The following RBFOX1 variants were observed in gnomAD, a reference collection of about 807,000 sequenced individuals.
RBFOX1 encodes the protein RNA binding fox-1 homolog 1, also known as RNA binding protein fox-1 homolog 1.
Under a neutral mutation model 57.7 loss-of-function variants are expected in RBFOX1, and 8 were observed. The observed-to-expected ratio is 0.14, with a 90% CI of 0.08 to 0.25. The LOEUF (loss-of-function observed/expected upper bound fraction) is 0.25, where lower values mean the gene tolerates loss of function less well. Ranked by LOEUF, RBFOX1 falls within the 10% of genes least tolerant of loss-of-function variation. RBFOX1 has a pLI of 1.00. For synonymous variants in RBFOX1, 326 were observed against 222.4 expected (o/e 1.47, Z -4.15); for missense variants, 611 against 548.5 (o/e 1.11, Z -1.14).
chr16:7,396,619 A>G (rs934698963), intron 4 of RBFOX1, among the ~76,000 whole-genome samples: 13 of 152,132 alleles, frequency 8.5e-5, no homozygotes, highest in African/African-American at 2.7e-4. Context: ...GGTTCTGTCA[A>G]TGGAAATAAG....
intron 3 of RBFOX1, among the ~76,000 whole-genome samples, chr16:6,992,217 G>A (rs1352204324): frequency 2.7e-5 from 4 of 150,784 alleles, no homozygotes; most frequent in Non-Finnish European, 5.9e-5. Context: ...AGGCTGGAGT[G>A]CAGTGGTGCA....
intron 2 of RBFOX1, among the ~76,000 whole-genome samples, chr16:6,560,974 C>A (rs1026588711): frequency 6.6e-6 from 1 of 152,210 alleles, no homozygotes; most frequent in Non-Finnish European, 1.5e-5. Context: ...AGTCAATGTG[C>A]AAATTTCAAC....
At chr16:7,144,138 C>A (rs1181661003) in intron 4 of RBFOX1, among the ~76,000 whole-genome samples, 3 of 152,098 alleles carry the variant, frequency 2.0e-5, no homozygotes, top group Non-Finnish European at 4.4e-5. Context: ...TCATGAATAT[C>A]TCTCTAGTTT....
chr16:5,818,012 C>T (rs746348947), intron 3 of RBFOX1, among the ~76,000 whole-genome samples: 13 of 152,190 alleles, frequency 8.5e-5, no homozygotes, highest in Non-Finnish European at 1.8e-4. Flanking sequence ...CTGTATTAAG[C>T]GTATTTGTCT....
At chr16:6,309,025 C>A (rs1309917859) in intron 1 of RBFOX1, among the ~76,000 whole-genome samples, 1 of 152,016 alleles carries the variant, frequency 6.6e-6, no homozygotes, top group East Asian at 1.9e-4. Context: ...CTCCTCTCAC[C>A]CTATACCCAG....
intron 3 of RBFOX1, among the ~76,000 whole-genome samples, chr16:6,985,187 C>G (rs961094244): frequency 1.3e-5 from 2 of 151,934 alleles, no homozygotes; most frequent in Non-Finnish European, 2.9e-5. Context: ...AAAATGTGAT[C>G]ACATTCTATT....
chr16:6,503,039 TA>T (rs1271580117), intron 2 of RBFOX1, among the ~76,000 whole-genome samples: 1 of 152,178 alleles, frequency 6.6e-6, no homozygotes, highest in Non-Finnish European at 1.5e-5. Context: ...AAAAGTAGTA[TA>T]ATATGTATTT....
chr16:5,925,476 G>A (rs1475099294), intron 4 of RBFOX1, among the ~76,000 whole-genome samples: 1 of 152,152 alleles, frequency 6.6e-6, no homozygotes, highest in Non-Finnish European at 1.5e-5. Context: ...ACAGAAAGTA[G>A]ATTAATGGTT....
At chr16:5,590,493 G>T (rs1255447336) in intron 2 of RBFOX1, among the ~76,000 whole-genome samples, 1 of 152,174 alleles carries the variant, frequency 6.6e-6, no homozygotes, top group Non-Finnish European at 1.5e-5. Context: ...TTCAGAATGG[G>T]CAGGGGAAGC....
chr16:7,237,577 A>T (rs547967371), intron 4 of RBFOX1, among the ~76,000 whole-genome samples: 24 of 152,336 alleles, frequency 1.6e-4, no homozygotes, highest in African/African-American at 5.3e-4. Context: ...CTGGCTTCCT[A>T]TGTCAACTCT....
intron 2 of RBFOX1, among the ~76,000 whole-genome samples, chr16:6,523,546 G>A (rs145573020): frequency 1.3e-5 from 2 of 152,214 alleles, no homozygotes; most frequent in African/African-American, 4.8e-5. Flanking sequence ...ACTTTGGTAC[G>A]CTACTTACCC....
At chr16:6,336,135 A>T (rs117356301) in intron 2 of RBFOX1, among the ~76,000 whole-genome samples, 1 of 123,912 alleles carries the variant, frequency 8.1e-6, no homozygotes, top group Non-Finnish European at 1.6e-5. Flanking sequence ...ATATATATAT[A>T]TTCATATATA....
chr16:7,161,847 C>T (rs1039058149), intron 4 of RBFOX1, among the ~76,000 whole-genome samples: 3 of 152,192 alleles, frequency 2.0e-5, no homozygotes, highest in African/African-American at 7.2e-5. Context: ...GAAGACAGAA[C>T]ACGTTCAATT....
intron 4 of RBFOX1, among the ~76,000 whole-genome samples, chr16:7,377,794 C>G (rs74010696): frequency 0.012 from 1,887 of 152,186 alleles, 39 homozygotes; most frequent in African/African-American, 0.044. Flanking sequence ...TTTAGTGGGA[C>G]AGATAGGTGG....
chr16:7,211,812 C>T (rs1295654914), intron 4 of RBFOX1, among the ~76,000 whole-genome samples: 1 of 152,174 alleles, frequency 6.6e-6, no homozygotes, highest in Non-Finnish European at 1.5e-5. Context: ...TCACATCTTC[C>T]TCTGGTTTAT....
rs1699378467 is a variant in RBFOX1, at chr16:6,862,114, G to C, written c.-15-189943G>C. On this transcript the variant is annotated intron_variant, in intron 3 of 15. Coordinates refer to ENST00000550418, the MANE Select transcript of RBFOX1 (RefSeq NM_018723.4). ...TTGGGCTGTGAGGGATACTTGGAAA[G>C]GATGCTTCAGCAACAATAACAACAA... 2.0e-5 allele frequency among the ~76,000 whole-genome samples: 3 copies of C among 152,142 alleles called. No individual in the cohort carries two copies. The South Asian group carries it at 6.2e-4, about 32-fold the overall frequency.
intron 4 of RBFOX1, among the ~76,000 whole-genome samples, chr16:7,196,139 G>T (rs1303857383): frequency 1.3e-5 from 2 of 151,998 alleles, no homozygotes; most frequent in Non-Finnish European, 2.9e-5. Context: ...TTTTCTAAAG[G>T]AAGTAAAGGA....
At chr16:7,160,345 A>G (rs72765544) in intron 4 of RBFOX1, among the ~76,000 whole-genome samples, 34,023 of 151,922 alleles carry the variant, frequency 0.22, 4,679 homozygotes, top group East Asian at 0.39. Flanking sequence ...AATGGCAATG[A>G]AAAAGTAAAC....
At chr16:6,719,676 G>GT (rs2065566127) in intron 3 of RBFOX1, among the ~76,000 whole-genome samples, 2 of 151,436 alleles carry the variant, frequency 1.3e-5, no homozygotes, top group African/African-American at 2.4e-5. Context: ...TTGATCTCCT[G>GT]ACCTTGTGAT....
Sources: gnomAD v4.1 joint callset for allele counts (sites outside exome capture counted in the v4.1 genomes callset) on GRCh38, gnomAD v4.1.1 for gene constraint, MANE v1.5 for transcripts, NCBI Gene and HGNC (gene_info 2026-07-23, HGNC 2026-07-21) for gene names.